The following GRIK2 variants were observed in gnomAD, a reference collection of about 807,000 sequenced individuals.
GRIK2 encodes glutamate receptor ionotropic, kainate 2.
A neutral mutation model predicts 100.3 loss-of-function variants in GRIK2; 32 were observed. That is an observed-to-expected ratio of 0.32 (90% CI 0.24 to 0.43). The LOEUF (loss-of-function observed/expected upper bound fraction) is 0.43, where lower values mean the gene tolerates loss of function less well. GRIK2 is among the 20% of genes least tolerant of loss of function. The pLI, the probability that GRIK2 is intolerant of heterozygous loss-of-function variation, is 1.00. For synonymous variants in GRIK2, 417 were observed against 389.4 expected, an observed-to-expected ratio of 1.07 and a Z score of -0.83; for missense variants, 843 against 1,114.9, an observed-to-expected ratio of 0.76 and a Z score of 3.47.
intron 2 of GRIK2, among the ~76,000 whole-genome samples, chr6:101,552,934 C>T (rs887645079): frequency 6.6e-6 from 1 of 152,186 alleles, no homozygotes; most frequent in African/African-American, 2.4e-5. Context: ...TTAGGCAGCT[C>T]TGCACAATTG....
chr6:102,055,679 C>T (rs113386502), intron 16 of GRIK2, 99 bp downstream of exon 16: 1 of 758,660 alleles, frequency 1.3e-6, no homozygotes, highest in Non-Finnish European at 2.2e-6. Flanking sequence ...AATGATAATG[C>T]ATAGAACTAT....
chr6:101,897,855 CAA>C (rs1787572327), intron 12 of GRIK2, among the ~76,000 whole-genome samples: 1 of 151,568 alleles, frequency 6.6e-6, no homozygotes, highest in Admixed American at 6.6e-5. Context: ...TCTTTAATGC[CAA>C]ACATGACACT....
chr6:101,644,500 A>C (rs1234410123), intron 4 of GRIK2, among the ~76,000 whole-genome samples: 2 of 151,754 alleles, frequency 1.3e-5, no homozygotes, highest in Non-Finnish European at 3.0e-5. Context: ...ACCATATAAG[A>C]CTAAAGTAGG....
chr6:101,409,694 T>G (rs1775788970), intron 2 of GRIK2, among the ~76,000 whole-genome samples: 1 of 152,040 alleles, frequency 6.6e-6, no homozygotes. Context: ...GAAGAATGAG[T>G]ATTATTTGCT....
intron 2 of GRIK2, among the ~76,000 whole-genome samples, chr6:101,489,329 T>A (rs1162712586): frequency 6.8e-6 from 1 of 146,196 alleles, no homozygotes; most frequent in Non-Finnish European, 1.5e-5. Context: ...CCATGGGAAC[T>A]CTCTAATAAG....
intron 4 of GRIK2, 54 bp from the exon 5 acceptor site, chr6:101,676,569 C>T (rs1216502266): frequency 3.0e-6 from 3 of 1,007,260 alleles, no homozygotes; most frequent in Non-Finnish European, 4.3e-6. Flanking sequence ...ATTCTTTGCC[C>T]TACTCTATTT....
chr6:101,965,287 C>T (rs1374478653), intron 14 of GRIK2, among the ~76,000 whole-genome samples: 1 of 152,126 alleles, frequency 6.6e-6, no homozygotes, highest in Non-Finnish European at 1.5e-5. Context: ...GTGTATAGTG[C>T]TGTTTTGCAT....
rs1779810259 is a variant in GRIK2 at position 101,614,467 on chromosome 6, T to C, written c.116-7482T>C. On this transcript the variant is annotated intron_variant, in intron 2 of 16. Transcript: ENST00000369134. ...TCCTAAGAGTCAGGATATTTTCTTA[T>C]ATAACCACTATATCATTATTTTGCC... 2.0e-5 allele frequency among the ~76,000 whole-genome samples: 3 copies of C among 151,686 alleles called. No individual in the cohort carries two copies. In the South Asian group the frequency reaches 6.2e-4, roughly 31 times the overall value.
intron 4 of GRIK2, among the ~76,000 whole-genome samples, chr6:101,662,840 T>C (rs529994619): frequency 2.6e-5 from 4 of 152,228 alleles, no homozygotes; most frequent in African/African-American, 9.6e-5. Context: ...GGTGAACATA[T>C]ACCATTTATA....
chr6:101,877,140 C>T (rs1785909458), intron 11 of GRIK2, among the ~76,000 whole-genome samples: 1 of 151,824 alleles, frequency 6.6e-6, no homozygotes, highest in African/African-American at 2.4e-5. Flanking sequence ...CAGACGAACA[C>T]ACACACACAT....
rs1320027160 is a variant in GRIK2 at position 102,035,529 on chromosome 6, T to G, written c.2274T>G (p.Leu758=). ...RNCNLTQIGG[L]IDSKGYGVGT... is the part of the protein sequence containing the mutation. ...GTAACCTGACACAGATTGGCGGCCTTATAGACTCTAAAGGTTATGGCGTTG... is the reference window on the plus strand; with the variant it reads ...GTAACCTGACACAGATTGGCGGCCTGATAGACTCTAAAGGTTATGGCGTTG... The change falls in exon 15 of 17, where the codon CTT becomes CTG. Residue 758 remains leucine (L), a synonymous_variant. Transcript: ENST00000369134. 1.2e-6 allele frequency: 2 copies of G among 1,608,578 alleles called. No individual in the cohort carries two copies. Among genetic ancestry groups the G allele is most frequent in the African/African-American group, 2.7e-5 (2 of 74,502 alleles).
chr6:102,035,885 A>C (rs1770242435), intron 15 of GRIK2, among the ~76,000 whole-genome samples: 1 of 151,452 alleles, frequency 6.6e-6, no homozygotes, highest in South Asian at 2.1e-4. Flanking sequence ...TGAGTACACT[A>C]AAGTTTTTGT....
intron 2 of GRIK2, among the ~76,000 whole-genome samples, chr6:101,506,456 A>G (rs987459519): frequency 1.3e-5 from 2 of 152,094 alleles, no homozygotes; most frequent in East Asian, 3.9e-4. Flanking sequence ...AAAATGGTAA[A>G]AGTATGGATA....
chr6:101,653,884 G>A lies in GRIK2; in HGVS notation c.542-22739G>A, dbSNP rs187329973. 3.3e-5 allele frequency among the ~76,000 whole-genome samples: 5 copies of A among 152,208 alleles called. No individual in the cohort carries two copies. The East Asian group carries it at 7.8e-4, about 24-fold the overall frequency. On this transcript the variant is annotated intron_variant, in intron 4 of 16. Coordinates refer to ENST00000369134, the MANE Select transcript of GRIK2 (RefSeq NM_021956.5). ...GAACCACCTGCCTCGGCCTTTCAAA[G>A]AGCTAGGATTGCAGGCATGAGCCAC... is the stretch of plus-strand genomic sequence containing the variant.
In GRIK2 at chr6:101,443,670, A is replaced by G. The variant is rs1314807943; in HGVS notation, c.115+44278A>G. Among the ~76,000 whole-genome samples, 6 of 152,206 alleles carry G rather than the reference A, an allele frequency of 3.9e-5. No individual in the cohort carries two copies. In the East Asian group the frequency reaches 9.7e-4, roughly 25 times the overall value. On this transcript the variant is annotated intron_variant, in intron 2 of 16. Transcript: ENST00000369134. ...GAAAATTATTTCTGAAACTTTTAGT[A>G]GGATACATCTTTTGAATATGTGCAT...
At chr6:102,044,890 T>G (rs1418138613) in intron 15 of GRIK2, among the ~76,000 whole-genome samples, 1 of 152,020 alleles carries the variant, frequency 6.6e-6, no homozygotes, top group African/African-American at 2.4e-5. Flanking sequence ...TTACACACTT[T>G]TCCTAGGCTG....
At chr6:101,701,232 C>T (rs1161090482) in intron 7 of GRIK2, among the ~76,000 whole-genome samples, 1 of 152,038 alleles carries the variant, frequency 6.6e-6, no homozygotes, top group Non-Finnish European at 1.5e-5. Flanking sequence ...CCTATTTGGC[C>T]ACCTAGACTA....
At chr6:102,042,702 T>C (rs1770655822) in intron 15 of GRIK2, among the ~76,000 whole-genome samples, 1 of 151,862 alleles carries the variant, frequency 6.6e-6, no homozygotes, top group African/African-American at 2.4e-5. Flanking sequence ...AAAAGCATAA[T>C]AGTAAGGAAA....
chr6:101,943,042 C>T (rs537208190), intron 14 of GRIK2, among the ~76,000 whole-genome samples: 1 of 152,302 alleles, frequency 6.6e-6, no homozygotes, highest in South Asian at 2.1e-4. Flanking sequence ...GATTCATGGG[C>T]CAGGTCCAGA....
Sources: gnomAD v4.1 joint callset for allele counts (sites outside exome capture counted in the v4.1 genomes callset) on GRCh38, gnomAD v4.1.1 for gene constraint, MANE v1.5 for transcripts, NCBI Gene and HGNC (gene_info 2026-07-23, HGNC 2026-07-21) for gene names.